The following WWOX variants were observed in gnomAD, a reference collection of about 807,000 sequenced individuals.
WWOX encodes the protein WW domain-containing oxidoreductase.
In WWOX, 69 loss-of-function variants were observed where a neutral mutation model predicts 46.2. The observed-to-expected ratio is 1.49, with a 90% CI of 1.23 to 1.82. The LOEUF (loss-of-function observed/expected upper bound fraction) is 1.82, where lower values mean the gene tolerates loss of function less well. Ranked by LOEUF, WWOX falls within the 40% of genes most tolerant of loss-of-function variation. The pLI is 0.00. For missense variants in WWOX, 919 were observed against 542.6 expected, an observed-to-expected ratio of 1.69 and a Z score of -6.89; for synonymous variants, 359 against 202.6, an observed-to-expected ratio of 1.77 and a Z score of -6.56.
chr16:78,838,382 A>G (rs891774603), intron 8 of WWOX, among the ~76,000 whole-genome samples: 7 of 152,222 alleles, frequency 4.6e-5, no homozygotes, highest in African/African-American at 1.7e-4. Flanking sequence ...TTAGAGAACT[A>G]AAGACACAGT....
chr16:78,984,332 C>A (rs1053529372), intron 8 of WWOX, among the ~76,000 whole-genome samples: 5 of 152,168 alleles, frequency 3.3e-5, no homozygotes, highest in African/African-American at 1.2e-4. Context: ...CAAGAAAGCA[C>A]TCTCTAGGTC....
At chr16:78,918,802 C>T (rs1326445390) in intron 8 of WWOX, among the ~76,000 whole-genome samples, 8 of 152,164 alleles carry the variant, frequency 5.3e-5, no homozygotes, top group Admixed American at 4.6e-4. Context: ...CTCTATATTA[C>T]AGAACTTAAA....
intron 8 of WWOX, among the ~76,000 whole-genome samples, chr16:78,622,229 C>T (rs148733614): frequency 6.6e-6 from 1 of 152,102 alleles, no homozygotes; most frequent in Non-Finnish European, 1.5e-5. Context: ...TAAATAAATT[C>T]TGACCCTACT....
At chr16:78,170,615 G>C (rs1193118125) in intron 5 of WWOX, among the ~76,000 whole-genome samples, 1 of 152,146 alleles carries the variant, frequency 6.6e-6, no homozygotes, top group Non-Finnish European at 1.5e-5. Context: ...CATTTTAATG[G>C]ATGTGTATTT....
At chr16:78,589,632 G>C (rs989436248) in intron 8 of WWOX, among the ~76,000 whole-genome samples, 2 of 152,120 alleles carry the variant, frequency 1.3e-5, no homozygotes, top group Non-Finnish European at 2.9e-5. Context: ...AGTAGTTTCC[G>C]GTAAAGGCAT....
intron 8 of WWOX, among the ~76,000 whole-genome samples, chr16:78,549,777 A>C (rs2044132410): frequency 6.6e-6 from 1 of 152,232 alleles, no homozygotes; most frequent in Non-Finnish European, 1.5e-5. Context: ...GGGTAAGATG[A>C]ACGTCTTAGA....
chr16:79,036,326 C>T (rs959415005), intron 8 of WWOX, among the ~76,000 whole-genome samples: 1 of 152,220 alleles, frequency 6.6e-6, no homozygotes, highest in Non-Finnish European at 1.5e-5. Flanking sequence ...AAATCGAAAA[C>T]TCATCACTCT....
At chr16:78,840,893 A>G (rs1207044691) in intron 8 of WWOX, among the ~76,000 whole-genome samples, 2 of 152,098 alleles carry the variant, frequency 1.3e-5, no homozygotes, top group Non-Finnish European at 2.9e-5. Flanking sequence ...CACTTGGAGT[A>G]GCAAACATCT....
chr16:78,668,711 G>T (rs148262328), intron 8 of WWOX, among the ~76,000 whole-genome samples: 269 of 152,222 alleles, frequency 1.8e-3, no homozygotes, highest in Non-Finnish European at 3.3e-3. Context: ...GAATCTACAT[G>T]GGTGTTTGTA....
chr16:78,357,524 C>T (rs990496635), intron 5 of WWOX, among the ~76,000 whole-genome samples: 4 of 151,894 alleles, frequency 2.6e-5, no homozygotes, highest in Non-Finnish European at 5.9e-5. Context: ...TTATCATAAC[C>T]TTGATTTTTG....
rs368882782 is a variant in WWOX at position 78,665,804 on chromosome 16, A to T, written c.1056+233052A>T. ...GGTTCGAGTGATTCTCCTACCTCAG[A>T]CTCTCAAGTAGCTGGGATTACAGGC... On this transcript the variant is annotated intron_variant, in intron 8 of 8. Transcript: ENST00000566780. 4.6e-5 allele frequency among the ~76,000 whole-genome samples: 7 copies of T among 151,860 alleles called. No individual in the cohort carries two copies. In the East Asian group the frequency reaches 7.8e-4, roughly 17 times the overall value.
intron 8 of WWOX, among the ~76,000 whole-genome samples, chr16:78,993,449 A>G (rs954057809): frequency 2.6e-5 from 4 of 152,130 alleles, no homozygotes; most frequent in Non-Finnish European, 4.4e-5. Context: ...CGGCTGGATA[A>G]GAGAAGAGTA....
chr16:78,641,268 C>T (rs1163357774), intron 8 of WWOX, among the ~76,000 whole-genome samples: 1 of 151,954 alleles, frequency 6.6e-6, no homozygotes, highest in African/African-American at 2.4e-5. Context: ...GGCAGAGAAG[C>T]CCCCAGACCG....
At chr16:78,280,035 CA>C (rs1482736925) in intron 5 of WWOX, among the ~76,000 whole-genome samples, 2 of 152,256 alleles carry the variant, frequency 1.3e-5, no homozygotes, top group Admixed American at 1.3e-4. Context: ...ACTCTGTTCT[CA>C]CCAGGCAACT....
chr16:79,195,840 GA>G (rs2051229340), intron 8 of WWOX, among the ~76,000 whole-genome samples: 1 of 152,176 alleles, frequency 6.6e-6, no homozygotes, highest in African/African-American at 2.4e-5. Flanking sequence ...AATGTGTGAG[GA>G]ATTATAGTTG....
chr16:78,115,243 C>T (rs531031408), intron 4 of WWOX, 89 bp downstream of exon 4: 9 of 1,480,148 alleles, frequency 6.1e-6, no homozygotes, highest in Non-Finnish European at 8.5e-6. Context: ...TTTAGTGGTT[C>T]TCTGATTTAA....
At chr16:78,515,260 C>A (rs1279879934) in intron 8 of WWOX, among the ~76,000 whole-genome samples, 3 of 152,032 alleles carry the variant, frequency 2.0e-5, no homozygotes, top group Non-Finnish European at 2.9e-5. Flanking sequence ...AAATACTATT[C>A]CATAGCTGAC....
chr16:78,362,264 G>A (rs560721274), intron 5 of WWOX, among the ~76,000 whole-genome samples: 1 of 151,934 alleles, frequency 6.6e-6, no homozygotes, highest in East Asian at 1.9e-4. Flanking sequence ...CTTGTAGGAA[G>A]AACAAGAGAC....
At chr16:78,622,564 C>G (rs144816373) in intron 8 of WWOX, among the ~76,000 whole-genome samples, 3 of 151,032 alleles carry the variant, frequency 2.0e-5, no homozygotes, top group Non-Finnish European at 3.0e-5. Flanking sequence ...AAAGTGAACC[C>G]TTGTAGTTTC....
Sources: gnomAD v4.1 joint callset for allele counts (sites outside exome capture counted in the v4.1 genomes callset) on GRCh38, gnomAD v4.1.1 for gene constraint, MANE v1.5 for transcripts, NCBI Gene and HGNC (gene_info 2026-07-23, HGNC 2026-07-21) for gene names.